Variants in CACNA2D3 observed in about 807,000 individuals in gnomAD.
The protein encoded by CACNA2D3 is voltage-dependent calcium channel subunit alpha-2/delta-3.
A neutral mutation model predicts 160.6 loss-of-function variants in CACNA2D3; 60 were observed. The observed-to-expected ratio is 0.37, with a 90% CI of 0.30 to 0.46. The LOEUF is 0.46. CACNA2D3 is among the 20% of genes least tolerant of loss of function. The pLI is 1.00. For synonymous variants in CACNA2D3, 558 were observed against 492.9 expected (o/e 1.13, Z -1.75); for missense variants, 1,205 against 1,365.0 (o/e 0.88, Z 1.85).
chr3:54,779,397 C>T (rs746887118), intron 13 of CACNA2D3, among the ~76,000 whole-genome samples: 13 of 152,202 alleles, frequency 8.5e-5, no homozygotes, highest in Admixed American at 4.6e-4. Context: ...CCACTCCTGG[C>T]CCAGAATGGA....
At chr3:54,618,864 T>G (rs1223604332) in intron 9 of CACNA2D3, among the ~76,000 whole-genome samples, 1 of 152,198 alleles carries the variant, frequency 6.6e-6, no homozygotes, top group African/African-American at 2.4e-5. Context: ...GTACCTCTTC[T>G]GAGCTGAGGC....
chr3:54,343,855 C>T (rs952280274), intron 3 of CACNA2D3, among the ~76,000 whole-genome samples: 2 of 152,148 alleles, frequency 1.3e-5, no homozygotes, highest in African/African-American at 2.4e-5. Flanking sequence ...TGAAATATCT[C>T]TTTTAAAATG....
intron 11 of CACNA2D3, among the ~76,000 whole-genome samples, chr3:54,680,354 C>A (rs1441359488): frequency 1.3e-5 from 2 of 152,110 alleles, no homozygotes. Context: ...CTCATTTTTC[C>A]AGATGTGTTT....
chr3:54,945,573 A>G (rs758952706), intron 27 of CACNA2D3, among the ~76,000 whole-genome samples: 13 of 152,274 alleles, frequency 8.5e-5, no homozygotes, highest in Non-Finnish European at 1.3e-4. Flanking sequence ...TATTAGCACC[A>G]TAACCTGGGG....
At chr3:54,928,594 C>A (rs944681899) in intron 27 of CACNA2D3, among the ~76,000 whole-genome samples, 6 of 152,116 alleles carry the variant, frequency 3.9e-5, no homozygotes, top group Admixed American at 2.6e-4. Flanking sequence ...GGTCTTGATG[C>A]CCTGAAATTC....
intron 4 of CACNA2D3, among the ~76,000 whole-genome samples, chr3:54,459,995 T>C (rs1324907300): frequency 6.6e-6 from 1 of 152,176 alleles, no homozygotes; most frequent in Non-Finnish European, 1.5e-5. Context: ...TCCATATGGC[T>C]AGCCAGTTTT....
chr3:54,641,037 T>C (rs1421655128), intron 10 of CACNA2D3, among the ~76,000 whole-genome samples: 1 of 147,580 alleles, frequency 6.8e-6, no homozygotes, highest in African/African-American at 2.6e-5. Flanking sequence ...TATTTGGATC[T>C]ATTGGAAAAA....
rs140892119 is a variant in CACNA2D3, at chr3:54,985,109, C to T, written c.2619+439C>T. On this transcript the variant is annotated intron_variant, in intron 30 of 37. Coordinates refer to ENST00000474759, the MANE Select transcript of CACNA2D3 (RefSeq NM_018398.3). ...CTACATAATTATTGTTTATGGCTTTCGTTCTGGTTTTTGCTTTTTAAAAAT... is the reference window on the plus strand; with the variant it reads ...CTACATAATTATTGTTTATGGCTTTTGTTCTGGTTTTTGCTTTTTAAAAAT... Among the ~76,000 whole-genome samples the T allele has an allele frequency of 1.0e-3, 159 of 152,270 alleles. 1 individual carries two copies. The highest frequency in any genetic ancestry group is 6.8e-3 in the Middle Eastern group (2 of 294).
intron 18 of CACNA2D3, among the ~76,000 whole-genome samples, chr3:54,878,516 A>C (rs1699716834): frequency 6.6e-6 from 1 of 151,512 alleles, no homozygotes. Context: ...CTCAGAGAGC[A>C]TTTAAAGATG....
intron 35 of CACNA2D3, among the ~76,000 whole-genome samples, chr3:55,034,929 G>T (rs1703780532): frequency 6.6e-6 from 1 of 152,044 alleles, no homozygotes; most frequent in Non-Finnish European, 1.5e-5. Context: ...TCTTTATTAA[G>T]ATAAATCTCA....
intron 18 of CACNA2D3, among the ~76,000 whole-genome samples, chr3:54,874,194 T>G (rs1274226100): frequency 6.6e-6 from 1 of 152,072 alleles, no homozygotes; most frequent in African/African-American, 2.4e-5. Context: ...TGGCTAAAAT[T>G]AAAAGAAAAA....
At chr3:54,761,609 A>G (rs900673831) in intron 12 of CACNA2D3, among the ~76,000 whole-genome samples, 3 of 152,136 alleles carry the variant, frequency 2.0e-5, no homozygotes, top group Non-Finnish European at 4.4e-5. Context: ...CTCCCTAACT[A>G]TGGTGCCTGA....
At chr3:54,906,504 A>G (rs896857342) in intron 27 of CACNA2D3, among the ~76,000 whole-genome samples, 2 of 152,210 alleles carry the variant, frequency 1.3e-5, no homozygotes, top group African/African-American at 4.8e-5. Context: ...CAGGAAGAGT[A>G]TATCCCATAT....
intron 13 of CACNA2D3, among the ~76,000 whole-genome samples, chr3:54,810,305 G>A (rs1044768722): frequency 1.3e-5 from 2 of 152,220 alleles, no homozygotes; most frequent in African/African-American, 4.8e-5. Context: ...ATGAGCAGCA[G>A]TGGTGGCATG....
At chr3:54,895,321 G>A (rs1197791123) in intron 25 of CACNA2D3, among the ~76,000 whole-genome samples, 3 of 152,188 alleles carry the variant, frequency 2.0e-5, no homozygotes, top group African/African-American at 2.4e-5. Context: ...CCAGGCCCTG[G>A]AAATATTGGG....
chr3:54,719,930 A>G (rs942131242), intron 11 of CACNA2D3, among the ~76,000 whole-genome samples: 4 of 151,936 alleles, frequency 2.6e-5, no homozygotes, highest in Non-Finnish European at 5.9e-5. Flanking sequence ...TTATTGGCCT[A>G]AAGTTGTTTA....
At chr3:54,626,717 A>C in intron 9 of CACNA2D3, 5 of 730,876 alleles carry the variant, frequency 6.8e-6, no homozygotes, top group Non-Finnish European at 1.1e-5. Context: ...AAAGAAAGAA[A>C]AAGAAAGGGG....
At chr3:54,207,909 C>T (rs1475858782) in intron 2 of CACNA2D3, among the ~76,000 whole-genome samples, 1 of 152,212 alleles carries the variant, frequency 6.6e-6, no homozygotes, top group Non-Finnish European at 1.5e-5. Flanking sequence ...AAGTGATCTA[C>T]AGCCCAGCTG....
chr3:54,712,789 C>T (rs547625639), intron 11 of CACNA2D3, among the ~76,000 whole-genome samples: 23 of 152,330 alleles, frequency 1.5e-4, no homozygotes, highest in African/African-American at 5.0e-4. Context: ...CAGCCACAGC[C>T]GGCTTAGTCT....
Sources: allele counts gnomAD v4.1 joint callset (sites outside exome capture counted in the v4.1 genomes callset), GRCh38; gene constraint gnomAD v4.1.1; transcripts MANE v1.5; gene names NCBI Gene and HGNC (gene_info 2026-07-23, HGNC 2026-07-21).